The following AMOTL1 variants were observed in gnomAD, a reference collection of about 807,000 sequenced individuals.
The protein encoded by AMOTL1 is angiomotin like 1.
Under a neutral mutation model 102.9 loss-of-function variants are expected in AMOTL1, and 45 were observed. That is an observed-to-expected ratio of 0.44 (90% CI 0.34 to 0.56). The LOEUF (loss-of-function observed/expected upper bound fraction) is 0.56, where lower values mean the gene tolerates loss of function less well. Among genes scored for constraint, AMOTL1 ranks in the 20% least tolerant of loss-of-function variants. The pLI is 0.01. For missense variants in AMOTL1, 1,114 were observed against 1,225.6 expected (o/e 0.91, Z 1.36); for synonymous variants, 481 against 484.7 (o/e 0.99, Z 0.10).
intron 1 of AMOTL1, among the ~76,000 whole-genome samples, chr11:94,776,094 C>G (rs1054999459): frequency 7.9e-5 from 12 of 152,220 alleles, no homozygotes; most frequent in African/African-American, 2.9e-4. Context: ...AAAGGTCATC[C>G]TGAACTTCTC....
intron 1 of AMOTL1, among the ~76,000 whole-genome samples, chr11:94,718,775 A>G (rs1950133191): frequency 6.6e-6 from 1 of 151,816 alleles, no homozygotes; most frequent in Admixed American, 6.6e-5. Context: ...ATATAGAAAC[A>G]TTTTTCAATA....
At position 94,795,073 on chromosome 11, in the gene AMOTL1, T is replaced by G; in HGVS notation, c.112T>G (p.Phe38Val). Residue 38 changes from phenylalanine (F) to valine (V), a missense_variant, in exon 2 of 13, where the codon TTT becomes GTT. Phe to Val is a conservative substitution (Grantham distance 50). Coordinates refer to ENST00000433060, the MANE Select transcript of AMOTL1 (RefSeq NM_130847.3). ...CCAGGTTCTAGAAGACTCCACCTACTTTTCCCCAGACTTTCAGCTCTATTC... is the reference window on the plus strand; with the variant it reads ...CCAGGTTCTAGAAGACTCCACCTACGTTTCCCCAGACTTTCAGCTCTATTC... ...PVQVLEDSTY[F>V]SPDFQLYSGR... is the part of the protein sequence containing the mutation. 5.0e-6 allele frequency: 8 copies of G among 1,613,694 alleles called. No individual in the cohort carries two copies. The highest frequency in any genetic ancestry group is 6.8e-6 in the Non-Finnish European group (8 of 1,179,790).
At position 94,821,653 on chromosome 11, in the gene AMOTL1, G is replaced by A. The variant is rs1484053997; in HGVS notation, c.1245G>A (p.Leu415=). 1 of 1,613,812 alleles carries A rather than the reference G, an allele frequency of 6.2e-7. No homozygotes were observed. The highest frequency in any genetic ancestry group is 1.7e-5 in the Admixed American group (1 of 59,994). ...VSLPLPLPMA[L]GAPQPPPAAS... ...TGCCGCTTCCACTCCCGATGGCCCT[G>A]GGTGCTCCACAGCCCCCGCCTGCCG... The change falls in exon 4 of 13, where the codon CTG becomes CTA. Residue 415 remains leucine, a synonymous_variant. Coordinates refer to ENST00000433060, the MANE Select transcript of AMOTL1 (RefSeq NM_130847.3).
At chr11:94,849,394 G>A (rs997994878) in intron 6 of AMOTL1, among the ~76,000 whole-genome samples, 1 of 152,200 alleles carries the variant, frequency 6.6e-6, no homozygotes. Context: ...GACGCTGCCT[G>A]CTTAAACTAC....
chr11:94,873,776 T>TAC lies in AMOTL1; in HGVS notation c.*3017_*3018dup, dbSNP rs149500556. 0.056 allele frequency: 8,025 copies of TAC among 142,500 alleles called. 217 individuals are homozygous for TAC. Among genetic ancestry groups the TAC allele is most frequent in the African/African-American group, 0.083 (3,262 of 39,410 alleles). The allele number at this position is 142,500 out of a possible 1,614,324, so 8.8% of individuals were successfully genotyped here. A position where few individuals can be genotyped will look rare whatever the true frequency, so the allele number is the denominator to read the frequency against. ...TGTGATGTGTGTGTGCACGTGTAAC[T>TAC]ACACACACACACACACACACACACA... On this transcript the variant is annotated 3_prime_UTR_variant, in exon 13 of 13. Transcript: ENST00000433060.
At position 94,816,029 on chromosome 11, in the gene AMOTL1, T is replaced by A. The variant is rs570599731; in HGVS notation, c.1122-5501T>A. 1.2e-3 allele frequency among the ~76,000 whole-genome samples: 186 copies of A among 152,216 alleles called. 2 individuals carry two copies. Among genetic ancestry groups the A allele is most frequent in the African/African-American group, 4.3e-3 (180 of 41,542 alleles). ...TTCTAGAGATTGTGTTTTGATATTT[T>A]AAAAAAACACTTATGCACTAAAGAA... is the stretch of plus-strand genomic sequence containing the variant. On this transcript the variant is annotated intron_variant, in intron 3 of 12. Coordinates refer to ENST00000433060, the MANE Select transcript of AMOTL1 (RefSeq NM_130847.3).
chr11:94,850,078 C>T (rs369391575), intron 6 of AMOTL1, 36 bp from the exon 7 acceptor site: 2 of 1,559,258 alleles, frequency 1.3e-6, no homozygotes, highest in East Asian at 2.4e-5. Flanking sequence ...TGTGCAATTT[C>T]TGATAGAGGT....
chr11:94,815,943 G>A (rs1951757928), intron 3 of AMOTL1, among the ~76,000 whole-genome samples: 1 of 151,940 alleles, frequency 6.6e-6, no homozygotes. Context: ...TTTTATGGGG[G>A]AAGAAAAACT....
At chr11:94,768,666 C>A in intron 1 of AMOTL1, 106 bp downstream of exon 1, 2 of 1,505,460 alleles carry the variant, frequency 1.3e-6, no homozygotes, top group Admixed American at 2.1e-5. Context: ...CGGAAGGGGG[C>A]AGCTTCTGGG....
intron 2 of AMOTL1, among the ~76,000 whole-genome samples, chr11:94,734,417 T>C (rs1466412031): frequency 6.6e-6 from 1 of 152,228 alleles, no homozygotes; most frequent in East Asian, 1.9e-4. Context: ...AAGGAAAGAC[T>C]ATTAAATCCT....
At chr11:94,840,678 A>G (rs1169980659) in intron 6 of AMOTL1, among the ~76,000 whole-genome samples, 1 of 130,728 alleles carries the variant, frequency 7.6e-6, no homozygotes, top group East Asian at 2.5e-4. Context: ...ATATATATAT[A>G]TATACACACA....
intron 6 of AMOTL1, among the ~76,000 whole-genome samples, chr11:94,838,610 C>A (rs956806390): frequency 1.3e-5 from 2 of 151,946 alleles, no homozygotes; most frequent in Non-Finnish European, 2.9e-5. Flanking sequence ...GTTCCAGGAA[C>A]CTAGTCATGG....
chr11:94,796,870 T>TGTGTATG, intron 2 of AMOTL1: 1 of 460,562 alleles, frequency 2.2e-6, no homozygotes, highest in Non-Finnish European at 2.9e-6. Context: ...ATATGTCTAT[T>TGTGTATG]TACATACACA....
At position 94,821,551 on chromosome 11, in the gene AMOTL1, C is replaced by G. The variant is rs1226242047; in HGVS notation, c.1143C>G (p.Phe381Leu). 6.2e-7 allele frequency: 1 copy of G among 1,613,706 alleles called. No individual in the cohort carries two copies. Among genetic ancestry groups the G allele is most frequent in the Non-Finnish European group, 8.5e-7 (1 of 1,179,800 alleles). Reference sequence around the variant, plus strand: ...GCAGCCGCCCATGCCAACTTCCGTTCCCATCAACCATGCAGCAGCACAGCC... The same window carrying G: ...GCAGCCGCCCATGCCAACTTCCGTTGCCATCAACCATGCAGCAGCACAGCC... Reference protein sequence around the residue: ...GVTSRPCQLPFPSTMQQHSPM... With the variant: ...GVTSRPCQLPLPSTMQQHSPM... The change falls in exon 4 of 13, where the codon TTC becomes TTG. Residue 381 changes from phenylalanine to leucine, a missense_variant. Phe to Leu is a conservative substitution (Grantham distance 22). Coordinates refer to ENST00000433060, the MANE Select transcript of AMOTL1 (RefSeq NM_130847.3).
At chr11:94,850,456 A>G (rs574470900) in intron 7 of AMOTL1, among the ~76,000 whole-genome samples, 197 bp downstream of exon 7, 11 of 152,368 alleles carry the variant, frequency 7.2e-5, no homozygotes, top group African/African-American at 2.4e-4. Flanking sequence ...CAAAGTATGA[A>G]AAGCACATGG....
chr11:94,869,025 C>A (rs1368151007), intron 11 of AMOTL1, among the ~76,000 whole-genome samples, 173 bp from the exon 12 acceptor site: 1 of 150,848 alleles, frequency 6.6e-6, no homozygotes, highest in African/African-American at 2.4e-5. Flanking sequence ...TTTTTATTCT[C>A]TCAGTGTTTG....
chr11:94,755,138 T>C (rs1950705522), intron 3 of AMOTL1, among the ~76,000 whole-genome samples: 1 of 152,192 alleles, frequency 6.6e-6, no homozygotes, highest in South Asian at 2.1e-4. Context: ...AGAAAATGGA[T>C]GCTTGAAATT....
At chr11:94,740,792 C>A in intron 2 of AMOTL1, 2 of 545,766 alleles carry the variant, frequency 3.7e-6, no homozygotes, top group Non-Finnish European at 6.2e-6. Context: ...GGTCTGAATC[C>A]CGCGGGGCCT....
At chr11:94,786,374 G>A (rs566155184) in intron 1 of AMOTL1, among the ~76,000 whole-genome samples, 46 of 152,176 alleles carry the variant, frequency 3.0e-4, no homozygotes, top group Admixed American at 5.2e-4. Context: ...TTTATTTACC[G>A]CAAGTGAGAA....
Sources: gnomAD v4.1 joint callset for allele counts (sites outside exome capture counted in the v4.1 genomes callset) on GRCh38, gnomAD v4.1.1 for gene constraint, MANE v1.5 for transcripts, NCBI Gene and HGNC (gene_info 2026-07-23, HGNC 2026-07-21) for gene names.